PLPPR1: variants seen among roughly 807,000 people sequenced by gnomAD.
PLPPR1 encodes phospholipid phosphatase related 1.
In PLPPR1, 10 loss-of-function variants were observed where a neutral mutation model predicts 33.1. The observed-to-expected ratio is 0.30, with a 90% CI of 0.19 to 0.51. The LOEUF is 0.51. Ranked by LOEUF, PLPPR1 falls within the 20% of genes least tolerant of loss-of-function variation. The pLI is 0.97. For synonymous variants in PLPPR1, 151 were observed against 151.0 expected (o/e 1.00, Z 0.00); for missense variants, 304 against 408.1 (o/e 0.74, Z 2.20).
At chr9:101,038,522 A>T (rs1027561859) in intron 1 of PLPPR1, among the ~76,000 whole-genome samples, 1 of 152,144 alleles carries the variant, frequency 6.6e-6, no homozygotes, top group Admixed American at 6.5e-5. Context: ...TAAATTGTCT[A>T]ATTTTTCTAG....
At chr9:101,130,353 G>A (rs1392110761) in intron 1 of PLPPR1, among the ~76,000 whole-genome samples, 1 of 152,190 alleles carries the variant, frequency 6.6e-6, no homozygotes, top group Non-Finnish European at 1.5e-5. Flanking sequence ...CATGATCCAA[G>A]CTCTGCCACT....
intron 1 of PLPPR1, among the ~76,000 whole-genome samples, chr9:101,184,426 T>G (rs1320514458): frequency 6.6e-6 from 1 of 151,920 alleles, no homozygotes; most frequent in Non-Finnish European, 1.5e-5. Flanking sequence ...TCTGACCTTT[T>G]AAAAAGTACA....
rs1029980731 is a variant in PLPPR1 at position 101,295,747 on chromosome 9, A to G, written c.385+9511A>G. On this transcript the variant is annotated intron_variant, in intron 4 of 7. Coordinates refer to ENST00000374874, the MANE Select transcript of PLPPR1 (RefSeq NM_207299.2). ...ATGGTGCTGGGAAAACTGGCTAGCC[A>G]TATGTAGAAAGCTGAAACTGGATCC... 4.6e-5 allele frequency among the ~76,000 whole-genome samples: 7 copies of G among 152,234 alleles called. No individual in the cohort carries two copies. In the South Asian group the frequency reaches 8.3e-4, roughly 18 times the overall value.
intron 2 of PLPPR1, among the ~76,000 whole-genome samples, chr9:101,198,141 C>G (rs533171944): frequency 6.6e-6 from 1 of 152,122 alleles, no homozygotes; most frequent in African/African-American, 2.4e-5. Flanking sequence ...ACTATATTTT[C>G]TACATATACT....
chr9:101,040,055 G>T (rs918507371), intron 1 of PLPPR1, among the ~76,000 whole-genome samples: 2 of 152,024 alleles, frequency 1.3e-5, no homozygotes, highest in Non-Finnish European at 2.9e-5. Context: ...TCAGAACATA[G>T]CAAGAGGTGG....
chr9:101,241,250 G>C (rs922172007), intron 2 of PLPPR1, among the ~76,000 whole-genome samples: 17 of 151,986 alleles, frequency 1.1e-4, no homozygotes, highest in African/African-American at 4.1e-4. Context: ...AGGTCTCTGT[G>C]AGCCTAAGGG....
At chr9:101,260,481 T>C (rs1433869469) in intron 2 of PLPPR1, among the ~76,000 whole-genome samples, 2 of 152,114 alleles carry the variant, frequency 1.3e-5, no homozygotes, top group Non-Finnish European at 2.9e-5. Context: ...GACCCTTCAG[T>C]AAGACTTTGG....
chr9:101,122,028 G>T (rs1371158843), intron 1 of PLPPR1, among the ~76,000 whole-genome samples: 4 of 152,198 alleles, frequency 2.6e-5, no homozygotes, highest in African/African-American at 9.6e-5. Context: ...GAAAGCTGGA[G>T]CATGTCCAAA....
At chr9:101,153,166 G>A (rs1246180147) in intron 1 of PLPPR1, among the ~76,000 whole-genome samples, 1 of 152,160 alleles carries the variant, frequency 6.6e-6, no homozygotes, top group Non-Finnish European at 1.5e-5. Flanking sequence ...AAGCAATTGT[G>A]AATGGGAGTT....
At chr9:101,066,397 G>A (rs544219759) in intron 1 of PLPPR1, among the ~76,000 whole-genome samples, 2 of 151,980 alleles carry the variant, frequency 1.3e-5, no homozygotes, top group South Asian at 4.2e-4. Context: ...TCCATACTTT[G>A]GAAGGAATTC....
intron 2 of PLPPR1, among the ~76,000 whole-genome samples, chr9:101,225,028 C>T (rs934978711): frequency 3.3e-5 from 5 of 152,146 alleles, no homozygotes; most frequent in Admixed American, 2.6e-4. Flanking sequence ...TTCGGTGATA[C>T]TTTTATAGCC....
At chr9:101,257,106 G>C (rs1467544449) in intron 2 of PLPPR1, among the ~76,000 whole-genome samples, 1 of 152,008 alleles carries the variant, frequency 6.6e-6, no homozygotes, top group Admixed American at 6.6e-5. Flanking sequence ...ATGCATTTCT[G>C]GGAATTCCAC....
chr9:101,108,826 A>G (rs1045799806), intron 1 of PLPPR1, among the ~76,000 whole-genome samples: 1 of 152,120 alleles, frequency 6.6e-6, no homozygotes, highest in African/African-American at 2.4e-5. Flanking sequence ...ATGTGTTTTT[A>G]TGTTAATATG....
chr9:101,056,905 C>G (rs747676286), intron 1 of PLPPR1, among the ~76,000 whole-genome samples: 1 of 152,054 alleles, frequency 6.6e-6, no homozygotes, highest in African/African-American at 2.4e-5. Context: ...ATTCTAAAGT[C>G]TGAGGGTTAT....
chr9:101,294,037 C>A (rs1014145094), intron 4 of PLPPR1, among the ~76,000 whole-genome samples: 21 of 152,004 alleles, frequency 1.4e-4, no homozygotes, highest in Non-Finnish European at 3.1e-4. Flanking sequence ...AAAGGATCAA[C>A]AAAATTGATA....
At chr9:101,157,380 A>G (rs1336720509) in intron 1 of PLPPR1, among the ~76,000 whole-genome samples, 1 of 152,230 alleles carries the variant, frequency 6.6e-6, no homozygotes, top group Non-Finnish European at 1.5e-5. Context: ...AGTCTTGGAT[A>G]TATGAACTGT....
chr9:101,267,991 A>T (rs1032659995), intron 2 of PLPPR1, among the ~76,000 whole-genome samples: 1 of 152,176 alleles, frequency 6.6e-6, no homozygotes, highest in Non-Finnish European at 1.5e-5. Context: ...ATTCTCAGCA[A>T]ACTATCGCCA....
At chr9:101,078,858 C>T (rs973848921) in intron 1 of PLPPR1, among the ~76,000 whole-genome samples, 2 of 152,078 alleles carry the variant, frequency 1.3e-5, no homozygotes, top group Non-Finnish European at 2.9e-5. Flanking sequence ...AAAACTCAGC[C>T]CTCTTCCTAT....
At chr9:101,101,484 T>A (rs1157808909) in intron 1 of PLPPR1, among the ~76,000 whole-genome samples, 2 of 151,782 alleles carry the variant, frequency 1.3e-5, no homozygotes, top group African/African-American at 4.8e-5. Flanking sequence ...TTGACACATT[T>A]CTTGAAGACC....
Sources: allele counts gnomAD v4.1 joint callset (sites outside exome capture counted in the v4.1 genomes callset), GRCh38; gene constraint gnomAD v4.1.1; transcripts MANE v1.5; gene names NCBI Gene and HGNC (gene_info 2026-07-23, HGNC 2026-07-21).